METTL22: variants seen among roughly 807,000 people sequenced by gnomAD.
METTL22 encodes methyltransferase 22, Kin17 lysine.
METTL22 carries 51 observed loss-of-function variants against 48.4 expected under a neutral mutation model. The ratio of observed to expected loss-of-function variants is 1.05; its 90% confidence interval spans 0.84 to 1.33. The LOEUF is 1.33. Ranked by LOEUF, METTL22 falls within the 40% of genes most tolerant of loss-of-function variation. METTL22 has a pLI of 0.00. For missense variants in METTL22, 678 were observed against 526.9 expected (o/e 1.29, Z -2.81); for synonymous variants, 255 against 214.1 (o/e 1.19, Z -1.67).
chr16:8,641,006 GTGGA>G (rs1258970790), intron 6 of METTL22, 121 bp from the exon 7 acceptor site: 2 of 776,076 alleles, frequency 2.6e-6, no homozygotes, highest in Admixed American at 2.3e-5. Context: ...GGGCAGGAAG[GTGGA>G]TGGGTGAGAG....
downstream of METTL22, among the ~76,000 whole-genome samples, chr16:8,651,759 C>CAG (rs556512739): frequency 6.6e-6 from 1 of 152,136 alleles, no homozygotes; most frequent in African/African-American, 2.4e-5. Flanking sequence ...GGGCAACCCT[C>CAG]AGAGAGAGAG....
intron 9 of METTL22, 139 bp from the exon 10 acceptor site, chr16:8,644,418 C>A: frequency 1.3e-6 from 1 of 796,914 alleles, no homozygotes; most frequent in Non-Finnish European, 2.0e-6. Context: ...CTCACACACT[C>A]AGCATGAGAC....
downstream of METTL22, among the ~76,000 whole-genome samples, chr16:8,654,031 GA>G (rs2056931976): frequency 6.6e-6 from 1 of 152,114 alleles, no homozygotes; most frequent in African/African-American, 2.4e-5. Flanking sequence ...CTCAAAAAAA[GA>G]AAAAACAGGC....
chr16:8,649,921 T>C (rs2056869422), downstream of METTL22, among the ~76,000 whole-genome samples: 1 of 152,220 alleles, frequency 6.6e-6, no homozygotes, highest in African/African-American at 2.4e-5. Context: ...ACTCAGGCCC[T>C]GGATGTGGCC....
At chr16:8,628,076 G>A (rs766488852) in intron 2 of METTL22, among the ~76,000 whole-genome samples, 1 of 152,184 alleles carries the variant, frequency 6.6e-6, no homozygotes, top group Non-Finnish European at 1.5e-5. Context: ...GGAAAAGTTT[G>A]CTCACCCCTG....
chr16:8,628,702 TCATTTTG>T, intron 2 of METTL22, 21 bp from the exon 3 acceptor site: 2 of 1,564,284 alleles, frequency 1.3e-6, no homozygotes, highest in Non-Finnish European at 1.7e-6. Context: ...CTTGGAATTC[TCATTTTG>T]CGTTCTGTCT....
Position 8,635,155 on chromosome 16 carries a change from C to T in METTL22, c.556-13C>T, listed in dbSNP as rs948050057. On this transcript the variant is annotated splice_polypyrimidine_tract_variant and intron_variant, in intron 4 of 10. Coordinates refer to ENST00000381920, the MANE Select transcript of METTL22 (RefSeq NM_024109.4). Reference sequence around the variant, plus strand: ...CTCACGCTGCTTGTCGCTCCTTGTCCTCTTCCCTCCAGGTGTGGCGGGGCG... The same window carrying T: ...CTCACGCTGCTTGTCGCTCCTTGTCTTCTTCCCTCCAGGTGTGGCGGGGCG... The T allele has an allele frequency of 5.0e-6, 8 of 1,613,324 alleles. No homozygotes were observed. Among genetic ancestry groups the T allele is most frequent in the Admixed American group, 3.3e-5 (2 of 59,978 alleles).
intron 5 of METTL22, among the ~76,000 whole-genome samples, chr16:8,637,748 C>G (rs1178843985): frequency 6.6e-6 from 1 of 152,236 alleles, no homozygotes; most frequent in Non-Finnish European, 1.5e-5. Flanking sequence ...GCACTCAGGG[C>G]ACCAGGGCTC....
chr16:8,656,156 C>T, the METTL22 span, among the ~76,000 whole-genome samples: 6 of 152,294 alleles, frequency 3.9e-5, no homozygotes, highest in East Asian at 1.2e-3. Context: ...GCATAGTGCA[C>T]CACGGCCTCG....
rs111777262 is a variant in METTL22 at position 8,623,159 on chromosome 16, C to G, written c.-171+1384C>G. 1.4e-4 allele frequency among the ~76,000 whole-genome samples: 21 copies of G among 151,952 alleles called. 2 individuals carry two copies. Among genetic ancestry groups the G allele is most frequent in the African/African-American group, 4.8e-4 (20 of 41,448 alleles). On this transcript the variant is annotated intron_variant, in intron 1 of 10. Coordinates refer to ENST00000381920, the MANE Select transcript of METTL22 (RefSeq NM_024109.4). ...CAAAACCCCATCTTTACTAAAAATACAAAAATTAGGTGGACATTGTGGTGC... is the reference window on the plus strand; with the variant it reads ...CAAAACCCCATCTTTACTAAAAATAGAAAAATTAGGTGGACATTGTGGTGC...
At chr16:8,663,874 G>A in the METTL22 span, among the ~76,000 whole-genome samples, 9 of 152,144 alleles carry the variant, frequency 5.9e-5, no homozygotes, top group East Asian at 3.9e-4. Flanking sequence ...GTAATCCCAT[G>A]TCATAGGAGA....
rs951398778 is a variant in METTL22, at chr16:8,625,572, C to G, written c.-94C>G. On this transcript the variant is annotated 5_prime_UTR_variant, in exon 2 of 11. Transcript: ENST00000381920. ...AAAGCTACTCGCTACCAGCTTGGACCTGTCTGCAGTATCTCCTCTGGGACC... is the reference window on the plus strand; with the variant it reads ...AAAGCTACTCGCTACCAGCTTGGACGTGTCTGCAGTATCTCCTCTGGGACC... 4.2e-5 allele frequency: 55 copies of G among 1,310,504 alleles called. No individual in the cohort carries two copies. The African/African-American group carries it at 7.7e-4, about 18-fold the overall frequency. The allele number at this position is 1,310,504 out of a possible 1,614,324, so 81.2% of individuals were successfully genotyped here.
chr16:8,626,830 G>A (rs1408558947), intron 2 of METTL22, among the ~76,000 whole-genome samples: 2 of 128,398 alleles, frequency 1.6e-5, no homozygotes, highest in East Asian at 2.3e-4. Flanking sequence ...AGTGGCATGC[G>A]ATCTCGGCTC....
At chr16:8,625,899 CTG>C in intron 2 of METTL22, 101 bp downstream of exon 2, 1 of 1,416,880 alleles carries the variant, frequency 7.1e-7, no homozygotes, top group Non-Finnish European at 9.7e-7. Flanking sequence ...GATTACGTAA[CTG>C]TTATCCTCAG....
At chr16:8,642,102 A>G (rs1467821546) in intron 7 of METTL22, 25 bp from the exon 8 acceptor site, 1 of 1,589,496 alleles carries the variant, frequency 6.3e-7, no homozygotes, top group South Asian at 1.1e-5. Context: ...CAATGGGCAC[A>G]AAGTGTGCTT....
At chr16:8,644,456 G>C (rs1328441447) in intron 9 of METTL22, 101 bp from the exon 10 acceptor site, 3 of 1,205,190 alleles carry the variant, frequency 2.5e-6, no homozygotes, top group African/African-American at 1.5e-5. Context: ...CCGTCCAGGG[G>C]ATATGAGATC....
chr16:8,655,688 G>C, the METTL22 span, among the ~76,000 whole-genome samples: 1 of 152,202 alleles, frequency 6.6e-6, no homozygotes, highest in African/African-American at 2.4e-5. Context: ...TTGCCCTGAA[G>C]AGGCACTGAA....
In METTL22 at chr16:8,644,652, A is replaced by G. The variant is rs762863831; in HGVS notation, c.1106A>G (p.Lys369Arg). ...LHALEQLADG[K>R]LRFVVEPVEA... ...GCGCTGGAGCAGCTCGCAGATGGCAAGCTGCGCTTCGTGGTGGAGCCCGTG... is the reference window on the plus strand; with the variant it reads ...GCGCTGGAGCAGCTCGCAGATGGCAGGCTGCGCTTCGTGGTGGAGCCCGTG... The change falls in exon 10 of 11, where the codon AAG becomes AGG. Residue 369 changes from lysine (K) to arginine (R), a missense_variant. Physicochemically the swap from Lys to Arg is conservative, Grantham distance 26. Transcript: ENST00000381920. 6.2e-7 allele frequency: 1 copy of G among 1,606,692 alleles called. No individual in the cohort carries two copies. The highest frequency in any genetic ancestry group is 8.5e-7 in the Non-Finnish European group (1 of 1,176,814).
the METTL22 span, among the ~76,000 whole-genome samples, chr16:8,662,104 C>T: frequency 1.4e-5 from 2 of 144,952 alleles, 1 homozygote; most frequent in African/African-American, 5.2e-5. Flanking sequence ...CAGCTGGGTG[C>T]AGTGGCACGT....
Sources: gnomAD v4.1 joint callset for allele counts (sites outside exome capture counted in the v4.1 genomes callset) on GRCh38, gnomAD v4.1.1 for gene constraint, MANE v1.5 for transcripts, NCBI Gene and HGNC (gene_info 2026-07-23, HGNC 2026-07-21) for gene names.